Variants in SLCO1C1 observed in about 807,000 individuals in gnomAD.
SLCO1C1 encodes the protein solute carrier organic anion transporter family member 1C1.
SLCO1C1 carries 70 observed loss-of-function variants against 76.4 expected under a neutral mutation model. The observed-to-expected ratio is 0.92, with a 90% CI of 0.76 to 1.12. The LOEUF (loss-of-function observed/expected upper bound fraction) is 1.12. SLCO1C1 is among the 50% of genes most tolerant of loss of function. The pLI, the probability that SLCO1C1 is intolerant of heterozygous loss-of-function variation, is 0.00. For synonymous variants in SLCO1C1, 306 were observed against 286.1 expected (o/e 1.07, Z -0.70); for missense variants, 912 against 823.8 (o/e 1.11, Z -1.31).
chr12:20,737,746 A>C (rs1948615772), intron 11 of SLCO1C1, among the ~76,000 whole-genome samples: 1 of 152,094 alleles, frequency 6.6e-6, no homozygotes, highest in Admixed American at 6.6e-5. Context: ...TTCTAGGACA[A>C]CTTTGGAAAA....
At chr12:20,698,839 A>G (rs951705907) in intron 1 of SLCO1C1, among the ~76,000 whole-genome samples, 1 of 152,070 alleles carries the variant, frequency 6.6e-6, no homozygotes, top group African/African-American at 2.4e-5. Context: ...GTAAATATTG[A>G]TGTGAACAGG....
chr12:20,725,888 T>TAA (rs1947960752), intron 9 of SLCO1C1, among the ~76,000 whole-genome samples: 1 of 152,036 alleles, frequency 6.6e-6, no homozygotes, highest in Non-Finnish European at 1.5e-5. Context: ...TGCATTTACC[T>TAA]AAAACTCTAT....
intron 12 of SLCO1C1, among the ~76,000 whole-genome samples, chr12:20,742,700 ATTTT>A (rs5796883): frequency 0.46 from 64,267 of 141,238 alleles, 16,725 homozygotes; most frequent in South Asian, 0.65. Flanking sequence ...TGCCCAGCTA[ATTTT>A]TTTTTTTTTT....
intron 10 of SLCO1C1, among the ~76,000 whole-genome samples, chr12:20,736,340 G>GGGC (rs1948538669): frequency 6.6e-6 from 1 of 151,252 alleles, no homozygotes; most frequent in African/African-American, 2.4e-5. Flanking sequence ...CAATTTTGGG[G>GGGC]GGGGGTGCAA....
chr12:20,740,487 C>A, intron 12 of SLCO1C1, 119 bp downstream of exon 12: 1 of 870,098 alleles, frequency 1.1e-6, no homozygotes, highest in Non-Finnish European at 1.8e-6. Context: ...AAACTTGTCC[C>A]ACATCCTTGT....
chr12:20,699,726 A>T, intron 2 of SLCO1C1, 21 bp downstream of exon 2: 3 of 1,598,600 alleles, frequency 1.9e-6, no homozygotes, highest in Non-Finnish European at 2.6e-6. Flanking sequence ...CAAGAAGTAA[A>T]TAGTGTTGAT....
chr12:20,739,583 G>A (rs902698691), intron 11 of SLCO1C1, among the ~76,000 whole-genome samples: 13 of 152,062 alleles, frequency 8.5e-5, no homozygotes, highest in African/African-American at 2.9e-4. Flanking sequence ...GGCAAAATGG[G>A]GCCTTTGCAA....
chr12:20,752,232 ATAT>A (rs1304148078), intron 14 of SLCO1C1, 71 bp from the exon 15 acceptor site: 2 of 973,368 alleles, frequency 2.1e-6, no homozygotes, highest in Admixed American at 2.8e-5. Flanking sequence ...CATCAGTATG[ATAT>A]TATTACCTTT....
chr12:20,750,673 A>G lies in SLCO1C1; in HGVS notation c.1799-2A>G. On this transcript the variant is annotated splice_acceptor_variant, in intron 13 of 14. Transcript: ENST00000266509. LOFTEE classifies it high-confidence loss of function. ...AACAGCAATTATTTGTTTTTCTCACAGCAGGAATCCCAGCTCCAGTGTATT... is the reference window on the plus strand; with the variant it reads ...AACAGCAATTATTTGTTTTTCTCACGGCAGGAATCCCAGCTCCAGTGTATT... The G allele has an allele frequency of 6.2e-7, 1 of 1,613,612 alleles. No homozygotes were observed. The highest frequency in any genetic ancestry group is 8.5e-7 in the Non-Finnish European group (1 of 1,179,576).
At position 20,705,367 on chromosome 12, in the gene SLCO1C1, T is replaced by G. The variant is rs1230027801; in HGVS notation, c.272-582T>G. Among the ~76,000 whole-genome samples the G allele has an allele frequency of 3.3e-5, 5 of 152,004 alleles. No individual in the cohort carries two copies. The South Asian group carries it at 8.3e-4, about 25-fold the overall frequency. ...ATTGATGTACACCTGAAGTCGCCTA[T>G]GTGGAATAATTTTTATTTCTATTTT... is the stretch of plus-strand genomic sequence containing the variant. On this transcript the variant is annotated intron_variant, in intron 3 of 14. Transcript: ENST00000266509.
At chr12:20,738,948 T>G (rs552260964) in intron 11 of SLCO1C1, among the ~76,000 whole-genome samples, 1 of 152,310 alleles carries the variant, frequency 6.6e-6, no homozygotes, top group African/African-American at 2.4e-5. Flanking sequence ...TCTAGAAAAG[T>G]AAATGCCAGC....
intron 9 of SLCO1C1, among the ~76,000 whole-genome samples, chr12:20,729,220 A>G (rs1324410096): frequency 1.3e-5 from 2 of 152,188 alleles, no homozygotes; most frequent in African/African-American, 4.8e-5. Flanking sequence ...TTGACCCACC[A>G]TGGACAACTT....
Position 20,701,409 on chromosome 12 carries a change from T to A in SLCO1C1, c.221T>A (p.Phe74Tyr), listed in dbSNP as rs1413044619. The A allele has an allele frequency of 5.0e-5, 78 of 1,555,984 alleles. No individual in the cohort carries two copies. The highest frequency in any genetic ancestry group is 6.8e-5 in the Non-Finnish European group (77 of 1,137,774). The change falls in exon 3 of 15, where the codon TTT becomes TAT. Residue 74 changes from phenylalanine to tyrosine, a missense_variant. Phe to Tyr is a conservative substitution (Grantham distance 22). Coordinates refer to ENST00000266509, the MANE Select transcript of SLCO1C1 (RefSeq NM_017435.5). ...ACCATCACTCAGATAGAGAGAAGGT[T>A]TGATATCCCTTCTTCACTGGTGGGA... is the stretch of plus-strand genomic sequence containing the variant. Reference protein sequence around the residue: ...KSTITQIERRFDIPSSLVGVI... With the variant: ...KSTITQIERRYDIPSSLVGVI...
chr12:20,741,224 G>T (rs1016952717), intron 12 of SLCO1C1, among the ~76,000 whole-genome samples: 1 of 152,088 alleles, frequency 6.6e-6, no homozygotes, highest in Non-Finnish European at 1.5e-5. Flanking sequence ...AACATGTGGG[G>T]ATTACAATTT....
Position 20,715,050 on chromosome 12 carries a change from C to T in SLCO1C1, c.530-89C>T, listed in dbSNP as rs1215432327. The T allele has an allele frequency of 2.0e-6, 3 of 1,476,616 alleles. No individual in the cohort carries two copies. In the African/African-American group the frequency reaches 4.2e-5, roughly 21 times the overall value. 91.5% of individuals were successfully genotyped at this position (1,476,616 alleles called of 1,614,324 possible). A position where few individuals can be genotyped will look rare whatever the true frequency, so the allele number is the denominator to read the frequency against. On this transcript the variant is annotated intron_variant, in intron 5 of 14. Transcript: ENST00000266509. ...GCACAAAAACTCCTGCATTCTAGTT[C>T]AGTTTAAGATATACGGTAGAAATGC...
At chr12:20,703,229 CTTCTT>C (rs981734217) in intron 3 of SLCO1C1, among the ~76,000 whole-genome samples, 14 of 151,778 alleles carry the variant, frequency 9.2e-5, no homozygotes, top group South Asian at 2.1e-4. Flanking sequence ...TTTTGCATTC[CTTCTT>C]TTCAAGATTC....
At chr12:20,702,747 G>C (rs1946581818) in intron 3 of SLCO1C1, among the ~76,000 whole-genome samples, 1 of 151,722 alleles carries the variant, frequency 6.6e-6, no homozygotes, top group African/African-American at 2.4e-5. Context: ...TATCATGAGA[G>C]AAAAACAAGG....
At chr12:20,743,574 T>C (rs557375964) in intron 13 of SLCO1C1, among the ~76,000 whole-genome samples, 2 of 152,296 alleles carry the variant, frequency 1.3e-5, no homozygotes, top group African/African-American at 2.4e-5. Context: ...ATTGCCTCTT[T>C]TGTGTTCCAG....
At chr12:20,715,024 T>C in intron 5 of SLCO1C1, 115 bp from the exon 6 acceptor site, 1 of 1,288,866 alleles carries the variant, frequency 7.8e-7, no homozygotes, top group Non-Finnish European at 1.1e-6. Flanking sequence ...TTAAGACTAT[T>C]GCACAAAAAC....
Sources: allele counts gnomAD v4.1 joint callset (sites outside exome capture counted in the v4.1 genomes callset), GRCh38; gene constraint gnomAD v4.1.1; transcripts MANE v1.5; gene names NCBI Gene and HGNC (gene_info 2026-07-23, HGNC 2026-07-21).